Variants in ARHGAP44 observed in about 807,000 individuals in gnomAD.
The protein encoded by ARHGAP44 is Rho GTPase activating protein 44.
ARHGAP44 carries 43 observed loss-of-function variants against 106.8 expected under a neutral mutation model. The observed-to-expected ratio is 0.40, with a 90% confidence interval of 0.32 to 0.52. The LOEUF (loss-of-function observed/expected upper bound fraction) is 0.52. ARHGAP44 is among the 20% of genes least tolerant of loss of function. The pLI, the probability that ARHGAP44 is intolerant of heterozygous loss-of-function variation, is 0.48. For synonymous variants in ARHGAP44, 439 were observed against 410.3 expected (o/e 1.07, Z -0.85); for missense variants, 866 against 1,050.5 (o/e 0.82, Z 2.43).
At position 12,949,706 on chromosome 17, in the gene ARHGAP44, A is replaced by G. The variant is rs2038946885; in HGVS notation, c.1031A>G (p.Tyr344Cys). ...LPEPLMTFEL[Y>C]DEWIQASNVQ... ...GAACCTCTTATGACCTTTGAACTCTATGATGAGTGGATCCAGGCTTCCAAG... is the reference window on the plus strand; with the variant it reads ...GAACCTCTTATGACCTTTGAACTCTGTGATGAGTGGATCCAGGCTTCCAAG... The change falls in exon 12 of 21, where the codon TAT becomes TGT. Residue 344 changes from tyrosine to cysteine, a missense_variant. Transcript: ENST00000379672. The surrounding 1 kb of genome is among the most constrained non-coding windows in gnomAD (Gnocchi z 4.1). The G allele has an allele frequency of 1.2e-6, 2 of 1,613,836 alleles. No individual in the cohort carries two copies. Among genetic ancestry groups the G allele is most frequent in the South Asian group, 1.1e-5 (1 of 91,062 alleles).
intron 1 of ARHGAP44, among the ~76,000 whole-genome samples, chr17:12,816,410 A>C (rs1245706296): frequency 6.6e-6 from 1 of 152,202 alleles, no homozygotes; most frequent in South Asian, 2.1e-4. Flanking sequence ...ATTTGAGTGG[A>C]ATATGATGAG....
At chr17:12,893,139 T>C (rs1228058280) in intron 1 of ARHGAP44, among the ~76,000 whole-genome samples, 2 of 152,180 alleles carry the variant, frequency 1.3e-5, no homozygotes, top group African/African-American at 2.4e-5. Flanking sequence ...GCTTTGTTTC[T>C]GATGAGCTGG....
intron 16 of ARHGAP44, among the ~76,000 whole-genome samples, chr17:12,972,277 G>C (rs1567716882): frequency 1.3e-5 from 2 of 152,264 alleles, no homozygotes; most frequent in East Asian, 3.9e-4. Flanking sequence ...ATGAAACCTT[G>C]GCTGAGATGA....
chr17:12,861,530 C>T (rs2036071988), intron 1 of ARHGAP44, among the ~76,000 whole-genome samples: 1 of 151,870 alleles, frequency 6.6e-6, no homozygotes, highest in African/African-American at 2.4e-5. Context: ...CCTTGTGGCC[C>T]CTTCCGCCGT....
chr17:12,828,999 AT>A, intron 1 of ARHGAP44, among the ~76,000 whole-genome samples: 1 of 152,026 alleles, frequency 6.6e-6, no homozygotes, highest in African/African-American at 2.4e-5. Flanking sequence ...CTATAACTTT[AT>A]TTTTTTACAA....
chr17:12,904,525 C>T (rs1171739135), intron 3 of ARHGAP44, among the ~76,000 whole-genome samples: 1 of 152,228 alleles, frequency 6.6e-6, no homozygotes. Context: ...CTTAGAGTGA[C>T]AGTTACACCA....
chr17:12,954,364 C>T (rs534572737), intron 13 of ARHGAP44, among the ~76,000 whole-genome samples: 10 of 152,100 alleles, frequency 6.6e-5, no homozygotes, highest in African/African-American at 9.7e-5. Context: ...AAATCAGATC[C>T]GAAGAGCGGG....
intron 1 of ARHGAP44, among the ~76,000 whole-genome samples, chr17:12,879,443 CTT>C (rs1001831108): frequency 1.3e-5 from 2 of 152,024 alleles, no homozygotes; most frequent in African/African-American, 4.8e-5. Flanking sequence ...GTGTAAGTAT[CTT>C]TTTCGTTTAA....
intron 1 of ARHGAP44, among the ~76,000 whole-genome samples, chr17:12,891,082 A>G (rs1263434393): frequency 6.6e-6 from 1 of 152,198 alleles, no homozygotes; most frequent in East Asian, 1.9e-4. Flanking sequence ...ATTAATATCT[A>G]AGTAACCTCT....
chr17:12,968,372 G>T (rs1011249201), intron 16 of ARHGAP44, among the ~76,000 whole-genome samples: 5 of 152,192 alleles, frequency 3.3e-5, no homozygotes, highest in Non-Finnish European at 5.9e-5. Context: ...TCCCCAGGAC[G>T]TGGAAAACCC....
chr17:12,969,652 C>A (rs1428732201), intron 16 of ARHGAP44, among the ~76,000 whole-genome samples: 1 of 152,298 alleles, frequency 6.6e-6, no homozygotes, highest in East Asian at 1.9e-4. Context: ...ATATTCCGTC[C>A]ATCAAGGTGT....
intron 1 of ARHGAP44, among the ~76,000 whole-genome samples, chr17:12,812,200 C>T (rs7223656): frequency 0.19 from 28,986 of 152,110 alleles, 3,783 homozygotes; most frequent in African/African-American, 0.36. Flanking sequence ...TATAAACACA[C>T]TGCTGATATT....
chr17:12,819,357 A>G (rs1465247534), intron 1 of ARHGAP44, among the ~76,000 whole-genome samples: 1 of 151,910 alleles, frequency 6.6e-6, no homozygotes, highest in Admixed American at 6.6e-5. Flanking sequence ...CATTTGAATT[A>G]TTTCCAGTTT....
At chr17:12,974,367 G>C (rs1337624107) in intron 18 of ARHGAP44, 57 bp downstream of exon 18, 2 of 1,319,574 alleles carry the variant, frequency 1.5e-6, no homozygotes, top group South Asian at 1.9e-5. Context: ...GGGGTGTCTG[G>C]GTTGGCCGCA....
At position 12,949,590 on chromosome 17, in the gene ARHGAP44, G is replaced by A; in HGVS notation, c.974-59G>A. ...GAACCCACATAGGCAGTGCTGGCTG[G>A]TGGGTCTTGCCTCTGCCACATCATA... On this transcript the variant is annotated intron_variant, in intron 11 of 20. Coordinates refer to ENST00000379672, the MANE Select transcript of ARHGAP44 (RefSeq NM_014859.6). The surrounding 1 kb of genome is among the most constrained non-coding windows in gnomAD (Gnocchi z 4.1). 1 of 1,532,884 alleles carries A rather than the reference G, an allele frequency of 6.5e-7. No individual in the cohort carries two copies. The highest frequency in any genetic ancestry group is 9.0e-7 in the Non-Finnish European group (1 of 1,110,820). The allele number at this position is 1,532,884 out of a possible 1,614,324, so 95.0% of individuals were successfully genotyped here. A position where few individuals can be genotyped will look rare whatever the true frequency, so the allele number is the denominator to read the frequency against.
At chr17:12,948,461 G>C (rs1763740964) in intron 10 of ARHGAP44, among the ~76,000 whole-genome samples, 1 of 152,116 alleles carries the variant, frequency 6.6e-6, no homozygotes, top group Non-Finnish European at 1.5e-5. Context: ...CTTGAGGTCA[G>C]GAGTTCAAGA....
chr17:12,971,572 C>A (rs2039528191), intron 16 of ARHGAP44, among the ~76,000 whole-genome samples: 1 of 152,160 alleles, frequency 6.6e-6, no homozygotes, highest in Non-Finnish European at 1.5e-5. Flanking sequence ...AGCCTGCAGA[C>A]CACAGTTCGA....
intron 10 of ARHGAP44, among the ~76,000 whole-genome samples, chr17:12,945,695 C>T (rs1055709017): frequency 6.6e-6 from 1 of 152,146 alleles, no homozygotes; most frequent in Non-Finnish European, 1.5e-5. Flanking sequence ...GTTCTAGATG[C>T]TGGAAATTCG....
intron 10 of ARHGAP44, among the ~76,000 whole-genome samples, chr17:12,948,101 C>T (rs1380563861): frequency 6.6e-6 from 1 of 152,204 alleles, no homozygotes; most frequent in Non-Finnish European, 1.5e-5. Context: ...AAACAGAAAC[C>T]GATAGGTCTT....
Sources: allele counts gnomAD v4.1 joint callset (sites outside exome capture counted in the v4.1 genomes callset), GRCh38; gene constraint gnomAD v4.1.1; non-coding constraint Gnocchi (gnomAD v3.1); transcripts MANE v1.5; gene names NCBI Gene and HGNC (gene_info 2026-07-23, HGNC 2026-07-21).